DGKB: variants seen among roughly 807,000 people sequenced by gnomAD.
The protein encoded by DGKB is diacylglycerol kinase beta, also known as 90 kDa diacylglycerol kinase.
A neutral mutation model predicts 114.3 loss-of-function variants in DGKB; 67 were observed. The ratio of observed to expected loss-of-function variants is 0.59; its 90% CI spans 0.48 to 0.72. The LOEUF (loss-of-function observed/expected upper bound fraction) is 0.72, where lower values mean the gene tolerates loss of function less well. Among genes scored for constraint, DGKB ranks in the 30% least tolerant of loss-of-function variants. DGKB has a pLI of 0.00. For synonymous variants in DGKB, 398 were observed against 323.1 expected (o/e 1.23, Z -2.49); for missense variants, 907 against 975.2 (o/e 0.93, Z 0.93).
At chr7:14,372,874 A>G (rs550357617) in intron 21 of DGKB, among the ~76,000 whole-genome samples, 21 of 152,234 alleles carry the variant, frequency 1.4e-4, no homozygotes, top group Admixed American at 8.5e-4. Flanking sequence ...CTAATTATCC[A>G]GTTTATTATT....
chr7:14,821,779 G>A (rs938803153), intron 2 of DGKB, among the ~76,000 whole-genome samples: 12 of 152,172 alleles, frequency 7.9e-5, no homozygotes, highest in African/African-American at 2.9e-4. Flanking sequence ...TGGCCTCTCT[G>A]TGTGGAGGAC....
intron 13 of DGKB, among the ~76,000 whole-genome samples, chr7:14,632,429 G>T (rs1464221683): frequency 1.3e-5 from 2 of 151,442 alleles, no homozygotes; most frequent in Non-Finnish European, 3.0e-5. Context: ...TATATGTAAA[G>T]AAGTATATAT....
chr7:14,244,455 G>T (rs567325959), intron 23 of DGKB, among the ~76,000 whole-genome samples: 4 of 151,904 alleles, frequency 2.6e-5, no homozygotes, highest in Non-Finnish European at 5.9e-5. Context: ...AGGAGATCAA[G>T]ATCATCCTGG....
rs867591941 is a variant in DGKB, at chr7:14,630,255, G to A, written c.1148C>T (p.Ser383Leu). The A allele has an allele frequency of 6.4e-7, 1 of 1,559,466 alleles. No individual in the cohort carries two copies. The highest frequency in any genetic ancestry group is 1.9e-5 in the Admixed American group (1 of 51,640). Residue 383 changes from serine to leucine, a missense_variant, in exon 14 of 26, where the codon TCA (serine) becomes TTA (leucine). Ser to Leu is a moderately radical substitution (Grantham distance 145). This residue lies in a region of DGKB where 814 missense variants were observed against 856.6 expected (regional missense o/e 0.95). Coordinates refer to ENST00000402815, the MANE Select transcript of DGKB (RefSeq NM_001350709.2). ...ICPVVLTLPT[S>L]GVSVPEERQS... ...ACGCACCTCAGGAACTGAAACTCCT[G>A]AAGTGGGCAGAGTCTGCTGAAAAAG...
chr7:14,838,131 G>C (rs562807692), intron 2 of DGKB, among the ~76,000 whole-genome samples: 2 of 151,972 alleles, frequency 1.3e-5, no homozygotes, highest in East Asian at 3.9e-4. Context: ...CTTGTTTTAG[G>C]AATTTTCACA....
chr7:14,501,352 A>G (rs537335033), intron 20 of DGKB, among the ~76,000 whole-genome samples: 2 of 147,590 alleles, frequency 1.4e-5, no homozygotes, highest in Admixed American at 6.9e-5. Context: ...AGGAGGAGGT[A>G]TATGGTTATG....
intron 1 of DGKB, among the ~76,000 whole-genome samples, chr7:14,846,158 G>A (rs1403163604): frequency 6.6e-6 from 1 of 152,174 alleles, no homozygotes; most frequent in Non-Finnish European, 1.5e-5. Flanking sequence ...ATTTTGACAA[G>A]TGATATTTAC....
chr7:14,469,333 G>A (rs1205461436), intron 21 of DGKB, among the ~76,000 whole-genome samples: 1 of 152,018 alleles, frequency 6.6e-6, no homozygotes, highest in Non-Finnish European at 1.5e-5. Context: ...CAAATCAATA[G>A]CAGATAAGCA....
intron 23 of DGKB, among the ~76,000 whole-genome samples, chr7:14,248,818 G>C (rs12534826): frequency 0.12 from 18,975 of 152,000 alleles, 1,432 homozygotes; most frequent in East Asian, 0.21. Flanking sequence ...TTTTCAATGT[G>C]AATGACTTTT....
intron 17 of DGKB, among the ~76,000 whole-genome samples, chr7:14,601,428 CT>C: frequency 6.6e-6 from 1 of 152,252 alleles, no homozygotes; most frequent in East Asian, 1.9e-4. Context: ...TTCTAGATTC[CT>C]TCTAGACATA....
chr7:14,928,532 C>A (rs1189599345), intron 1 of DGKB, among the ~76,000 whole-genome samples: 1 of 151,912 alleles, frequency 6.6e-6, no homozygotes, highest in East Asian at 1.9e-4. Flanking sequence ...TTCTCCAGTG[C>A]CTCATCCTAC....
chr7:14,161,662 G>A (rs777253471), intron 25 of DGKB, among the ~76,000 whole-genome samples: 1 of 151,548 alleles, frequency 6.6e-6, no homozygotes, highest in East Asian at 2.0e-4. Context: ...ACCAGGGCCT[G>A]TTGGGGGGTG....
intron 23 of DGKB, among the ~76,000 whole-genome samples, chr7:14,259,860 C>A (rs1796503045): frequency 6.6e-6 from 1 of 152,138 alleles, no homozygotes; most frequent in African/African-American, 2.4e-5. Flanking sequence ...GTCATTGAAA[C>A]ATTAAAATTA....
chr7:14,613,823 G>T (rs1020773162), intron 15 of DGKB, among the ~76,000 whole-genome samples: 1 of 152,030 alleles, frequency 6.6e-6, no homozygotes, highest in African/African-American at 2.4e-5. Flanking sequence ...CTCCTTTTAC[G>T]CAGGAGTCCT....
intron 20 of DGKB, among the ~76,000 whole-genome samples, chr7:14,562,629 G>T (rs1241485069): frequency 6.6e-6 from 1 of 152,120 alleles, no homozygotes; most frequent in African/African-American, 2.4e-5. Context: ...GGAACTCGAA[G>T]GTTTAATGAC....
chr7:14,210,836 T>C (rs1444830157), intron 23 of DGKB, among the ~76,000 whole-genome samples: 1 of 152,072 alleles, frequency 6.6e-6, no homozygotes, highest in African/African-American at 2.4e-5. Context: ...CCTGTTACCA[T>C]AGATGTGTGA....
intron 25 of DGKB, among the ~76,000 whole-genome samples, chr7:14,160,311 A>G (rs899104484): frequency 1.3e-5 from 2 of 152,276 alleles, no homozygotes; most frequent in South Asian, 2.1e-4. Context: ...AAGGTATTCA[A>G]ATAGGAAGAG....
chr7:14,933,408 C>G (rs1037301799), intron 1 of DGKB, among the ~76,000 whole-genome samples: 1 of 152,158 alleles, frequency 6.6e-6, no homozygotes, highest in East Asian at 1.9e-4. Flanking sequence ...CCCTTTGCCC[C>G]CAATTAAATT....
chr7:14,920,981 C>T (rs1452937169), intron 1 of DGKB, among the ~76,000 whole-genome samples: 2 of 152,018 alleles, frequency 1.3e-5, no homozygotes, highest in Non-Finnish European at 2.9e-5. Context: ...TTCAGGGACA[C>T]ATGTGCAGAT....
Sources: gnomAD v4.1 joint callset for allele counts (sites outside exome capture counted in the v4.1 genomes callset) on GRCh38, gnomAD v4.1.1 for gene constraint, gnomAD v4.1.1 regional missense constraint, MANE v1.5 for transcripts, NCBI Gene and HGNC (gene_info 2026-07-23, HGNC 2026-07-21) for gene names.